Variants in PIP5K1C observed in about 807,000 individuals in gnomAD.
The protein encoded by PIP5K1C is phosphatidylinositol 4-phosphate 5-kinase type-1 gamma.
PIP5K1C carries 45 observed loss-of-function variants against 80.1 expected under a neutral mutation model. That is an observed-to-expected ratio of 0.56 (90% CI 0.44 to 0.72). The LOEUF (loss-of-function observed/expected upper bound fraction) is 0.72. PIP5K1C is among the 30% of genes least tolerant of loss of function. The probability of loss-of-function intolerance (pLI) is 0.00; values close to 1 mark genes in which losing one functional copy is unlikely to be tolerated. For synonymous variants in PIP5K1C, 498 were observed against 420.1 expected, an observed-to-expected ratio of 1.19 and a Z score of -2.27; for missense variants, 753 against 954.6, an observed-to-expected ratio of 0.79 and a Z score of 2.78.
intron 1 of PIP5K1C, among the ~76,000 whole-genome samples, chr19:3,691,522 C>T (rs543854560): frequency 1.3e-4 from 20 of 152,030 alleles, no homozygotes; most frequent in Admixed American, 5.2e-4. Context: ...AGAACAGGGA[C>T]CACCCCAACA....
intron 1 of PIP5K1C, among the ~76,000 whole-genome samples, chr19:3,671,715 G>A (rs1243615395): frequency 2.0e-5 from 3 of 152,190 alleles, no homozygotes; most frequent in African/African-American, 7.2e-5. Flanking sequence ...GGGACGGGGA[G>A]AAAGCACAGC....
chr19:3,660,109 G>A (rs1159544390), intron 5 of PIP5K1C, among the ~76,000 whole-genome samples: 5 of 152,208 alleles, frequency 3.3e-5, no homozygotes, highest in Admixed American at 2.0e-4. Context: ...AGGCTGAGGC[G>A]GTAGCTCACG....
intron 1 of PIP5K1C, among the ~76,000 whole-genome samples, chr19:3,695,725 G>A (rs2036081775): frequency 7.0e-6 from 1 of 142,018 alleles, no homozygotes; most frequent in African/African-American, 2.7e-5. Flanking sequence ...CAATCCCACT[G>A]ACCCTTTTTT....
At position 3,633,499 on chromosome 19, in the gene PIP5K1C, C is replaced by G; in HGVS notation, c.1942G>C (p.Val648Leu). The change falls in exon 17 of 18, where the codon GTG becomes CTG. Residue 648 changes from valine (V) to leucine (L), a missense_variant. Coordinates refer to ENST00000335312, the MANE Select transcript of PIP5K1C (RefSeq NM_012398.3). ...IYFPTDERSW[V>L]YSPLHYSAQA... ...GCGCTATAGTGGAGCGGGGAGTACA[C>G]CCAGCTCCTCTCATCGGTGGGCTGG... The G allele has an allele frequency of 6.7e-7, 1 of 1,500,070 alleles. No individual in the cohort carries two copies. The highest frequency in any genetic ancestry group is 8.9e-7 in the Non-Finnish European group (1 of 1,120,210). The allele number at this position is 1,500,070 out of a possible 1,614,324, so 92.9% of individuals were successfully genotyped here.
intron 16 of PIP5K1C, among the ~76,000 whole-genome samples, chr19:3,638,159 C>T (rs2033786182): frequency 6.6e-6 from 1 of 152,204 alleles, no homozygotes; most frequent in Admixed American, 6.5e-5. Flanking sequence ...TCCGGCCCTC[C>T]CTGTGACCTG....
At chr19:3,643,107 GCAGTGT>G in intron 13 of PIP5K1C, 130 bp downstream of exon 13, 13 of 1,469,446 alleles carry the variant, frequency 8.8e-6, no homozygotes, top group Non-Finnish European at 1.2e-5. Context: ...GCACCCACAT[GCAGTGT>G]ATGTACATCC....
chr19:3,647,513 ACTCAGGGTGGCAGGTG>A, intron 9 of PIP5K1C, 127 bp from the exon 10 acceptor site: 1 of 815,226 alleles, frequency 1.2e-6, no homozygotes, highest in Non-Finnish European at 2.0e-6. Flanking sequence ...GGCTGTCAAA[ACTCAGGGTGGCAGGTG>A]CTCCTGGCAG....
intron 2 of PIP5K1C, among the ~76,000 whole-genome samples, chr19:3,665,737 G>A (rs923970457): frequency 2.0e-5 from 3 of 152,162 alleles, no homozygotes; most frequent in Admixed American, 6.5e-5. Flanking sequence ...AGATGGGACC[G>A]CCGACCCCAG....
chr19:3,637,756 G>C lies in PIP5K1C; in HGVS notation c.1920+1128C>G, dbSNP rs1380750592. ...GACAGCTGACTGCCAAGCAGAAGGTGGGGGGTGCCGGGGCAGGGGCAGGAC... is the reference window on the plus strand; with the variant it reads ...GACAGCTGACTGCCAAGCAGAAGGTCGGGGGTGCCGGGGCAGGGGCAGGAC... On this transcript the variant is annotated intron_variant, in intron 16 of 17. Transcript: ENST00000335312. This position sits in a 1 kb window ranked among gnomAD's most constrained non-coding sequence, Gnocchi z 7.0. The C allele has an allele frequency of 1.3e-6, 2 of 1,528,766 alleles. No individual in the cohort carries two copies. Among genetic ancestry groups the C allele is most frequent in the Non-Finnish European group, 1.7e-6 (2 of 1,143,626 alleles). The allele number at this position is 1,528,766 out of a possible 1,614,324, so 94.7% of individuals were successfully genotyped here.
At position 3,637,470 on chromosome 19, in the gene PIP5K1C, T is replaced by A; in HGVS notation, c.1920+1414A>T. On this transcript the variant is annotated intron_variant, in intron 16 of 17. Coordinates refer to ENST00000335312, the MANE Select transcript of PIP5K1C (RefSeq NM_012398.3). The surrounding 1 kb of genome is among the most constrained non-coding windows in gnomAD (Gnocchi z 7.0). ...GACACTGAGCTTCCGGCCGGGGACC[T>A]GCGGCTCCCTGCTGCCCGAGGGGCA... 1 of 1,535,632 alleles carries A rather than the reference T, an allele frequency of 6.5e-7. No homozygotes were observed. The highest frequency in any genetic ancestry group is 8.7e-7 in the Non-Finnish European group (1 of 1,146,776).
rs373082161 is a variant in PIP5K1C at position 3,648,591 on chromosome 19, G to A, written c.1211+34C>T. 94 of 1,575,664 alleles carry A rather than the reference G, an allele frequency of 6.0e-5. No individual in the cohort carries two copies. The Middle Eastern group carries it at 6.9e-4, about 12-fold the overall frequency. On this transcript the variant is annotated intron_variant, in intron 9 of 17. Transcript: ENST00000335312. This position sits in a 1 kb window ranked among gnomAD's most constrained non-coding sequence, Gnocchi z 4.3. ...ACCTGTGGGACTGCAGACCCGGGGC[G>A]TCCACCTGTAGGACTGCAGACCCGG... is the stretch of plus-strand genomic sequence containing the variant.
intron 4 of PIP5K1C, 42 bp downstream of exon 4, chr19:3,661,829 T>G: frequency 2.5e-6 from 4 of 1,606,926 alleles, no homozygotes; most frequent in Non-Finnish European, 3.4e-6. Context: ...CAGAGCCACG[T>G]GTGTGCTGGG....
chr19:3,641,039 T>C (rs1288599615), intron 15 of PIP5K1C, among the ~76,000 whole-genome samples: 2 of 152,014 alleles, frequency 1.3e-5, no homozygotes, highest in East Asian at 3.9e-4. Flanking sequence ...GGAGAAACCC[T>C]GTCTTTACTG....
chr19:3,643,026 C>T, intron 13 of PIP5K1C, 87 bp from the exon 14 acceptor site: 1 of 1,541,780 alleles, frequency 6.5e-7, no homozygotes, highest in Admixed American at 1.7e-5. Context: ...GCCTGCCTAC[C>T]TGCCCCCTGG....
intron 6 of PIP5K1C, among the ~76,000 whole-genome samples, chr19:3,655,360 G>C (rs893438734): frequency 6.6e-6 from 1 of 152,192 alleles, no homozygotes; most frequent in Non-Finnish European, 1.5e-5. Flanking sequence ...GGAGGCTGCA[G>C]TGAGCCAAGA....
At chr19:3,652,543 C>A (rs2034491091) in intron 7 of PIP5K1C, among the ~76,000 whole-genome samples, 1 of 152,178 alleles carries the variant, frequency 6.6e-6, no homozygotes, top group African/African-American at 2.4e-5. Flanking sequence ...GCTGGGAGGT[C>A]CCAGGCTCTG....
chr19:3,684,303 A>G (rs534235935), intron 1 of PIP5K1C, among the ~76,000 whole-genome samples: 4 of 152,188 alleles, frequency 2.6e-5, no homozygotes, highest in African/African-American at 9.6e-5. Context: ...TCCAGCGCAC[A>G]ATCTCACAGC....
At chr19:3,691,524 A>T (rs1600093720) in intron 1 of PIP5K1C, among the ~76,000 whole-genome samples, 1 of 151,912 alleles carries the variant, frequency 6.6e-6, no homozygotes, top group Admixed American at 6.6e-5. Context: ...AACAGGGACC[A>T]CCCCAACAGC....
intron 1 of PIP5K1C, among the ~76,000 whole-genome samples, chr19:3,680,581 C>T (rs1002245461): frequency 1.3e-5 from 2 of 152,208 alleles, no homozygotes; most frequent in South Asian, 2.1e-4. Flanking sequence ...GGATGACAGG[C>T]GTGAGCCACC....
Sources: allele counts gnomAD v4.1 joint callset (sites outside exome capture counted in the v4.1 genomes callset), GRCh38; gene constraint gnomAD v4.1.1; non-coding constraint Gnocchi (gnomAD v3.1); transcripts MANE v1.5; gene names NCBI Gene and HGNC (gene_info 2026-07-23, HGNC 2026-07-21).